NREP: variants seen among roughly 807,000 people sequenced by gnomAD.
The protein encoded by NREP is neuronal regeneration related protein.
In NREP, 5 loss-of-function variants were observed where a neutral mutation model predicts 8.6. That is an observed-to-expected ratio of 0.58 (90% CI 0.30 to 1.22). The LOEUF is 1.22. Among genes scored for constraint, NREP ranks in the 50% most tolerant of loss-of-function variants. The pLI, the probability that NREP is intolerant of heterozygous loss-of-function variation, is 0.07. For synonymous variants in NREP, 27 were observed against 28.0 expected, an observed-to-expected ratio of 0.96 and a Z score of 0.11; for missense variants, 86 against 82.5, an observed-to-expected ratio of 1.04 and a Z score of -0.17.
At chr5:111,790,536 G>A (rs925300075) in intron 2 of NREP, among the ~76,000 whole-genome samples, 4 of 151,942 alleles carry the variant, frequency 2.6e-5, no homozygotes, top group South Asian at 2.1e-4. Flanking sequence ...AAGGTGGAAG[G>A]TTCACTTGAG....
chr5:111,813,441 TTA>T (rs1378484595), intron 2 of NREP, among the ~76,000 whole-genome samples: 3 of 152,150 alleles, frequency 2.0e-5, no homozygotes, highest in African/African-American at 7.2e-5. Context: ...AGGTGATGAC[TTA>T]TATTCTAACC....
At chr5:111,894,431 T>G (rs1304380815) in intron 2 of NREP, among the ~76,000 whole-genome samples, 1 of 145,568 alleles carries the variant, frequency 6.9e-6, no homozygotes, top group Non-Finnish European at 1.5e-5. Context: ...AGGTTTCCTG[T>G]CAGCATAATC....
chr5:111,729,089 C>G (rs1179951788), downstream of NREP: 1 of 152,156 alleles, frequency 6.6e-6, no homozygotes, highest in African/African-American at 2.4e-5. Context: ...GGCAGCTCTG[C>G]AAATACCATC....
intron 2 of NREP, among the ~76,000 whole-genome samples, chr5:111,889,975 C>T (rs989880705): frequency 2.0e-5 from 3 of 152,050 alleles, no homozygotes; most frequent in Non-Finnish European, 2.9e-5. Context: ...TAGGGTGGGA[C>T]AGGAACAAAT....
chr5:111,917,275 G>C (rs927863931), intron 2 of NREP, among the ~76,000 whole-genome samples: 1 of 152,094 alleles, frequency 6.6e-6, no homozygotes, highest in Admixed American at 6.6e-5. Context: ...AATTCTACCA[G>C]AGGTACAAAG....
At chr5:111,741,404 T>C (rs1003736082) in intron 2 of NREP, among the ~76,000 whole-genome samples, 1 of 151,842 alleles carries the variant, frequency 6.6e-6, no homozygotes, top group African/African-American at 2.4e-5. Flanking sequence ...CCCTTTGAGG[T>C]GGTGCTATAA....
intron 2 of NREP, among the ~76,000 whole-genome samples, chr5:111,744,261 T>C (rs894729505): frequency 2.0e-5 from 3 of 152,168 alleles, no homozygotes; most frequent in African/African-American, 7.2e-5. Context: ...AATGCTTGTC[T>C]TGCACTGTCC....
intron 2 of NREP, among the ~76,000 whole-genome samples, chr5:111,869,166 A>G (rs910444596): frequency 6.6e-6 from 1 of 152,196 alleles, no homozygotes; most frequent in Non-Finnish European, 1.5e-5. Context: ...TATGTCTCAT[A>G]CAGATATAGA....
intron 2 of NREP, among the ~76,000 whole-genome samples, chr5:111,877,272 C>T (rs1007152259): frequency 6.6e-6 from 1 of 152,204 alleles, no homozygotes; most frequent in South Asian, 2.1e-4. Flanking sequence ...CGGCAATAAA[C>T]TCCATCCATG....
intron 2 of NREP, among the ~76,000 whole-genome samples, chr5:111,786,435 T>C (rs1383982096): frequency 2.6e-5 from 4 of 152,228 alleles, no homozygotes; most frequent in Non-Finnish European, 2.9e-5. Flanking sequence ...CCACAGTGCC[T>C]AGTTCTGTCT....
chr5:111,920,634 T>C (rs1426972254), intron 2 of NREP, among the ~76,000 whole-genome samples: 2 of 152,154 alleles, frequency 1.3e-5, no homozygotes, highest in African/African-American at 4.8e-5. Flanking sequence ...GTAAGGGTTT[T>C]TATAGACAAG....
chr5:111,913,535 G>T (rs539405809), intron 2 of NREP, among the ~76,000 whole-genome samples: 1 of 152,112 alleles, frequency 6.6e-6, no homozygotes, highest in African/African-American at 2.4e-5. Context: ...AGGGATGTGA[G>T]TTCATAGTTC....
At chr5:111,854,663 T>C (rs1753385970) in intron 2 of NREP, among the ~76,000 whole-genome samples, 2 of 152,224 alleles carry the variant, frequency 1.3e-5, no homozygotes, top group Non-Finnish European at 2.9e-5. Context: ...TTAATTCATG[T>C]ATATGTCTGT....
At chr5:111,881,804 G>C (rs906736340) in intron 2 of NREP, among the ~76,000 whole-genome samples, 2 of 152,022 alleles carry the variant, frequency 1.3e-5, no homozygotes, top group Non-Finnish European at 2.9e-5. Context: ...CAAACAGAAA[G>C]GACATCCACA....
chr5:111,778,858 T>A (rs998499494), intron 2 of NREP, among the ~76,000 whole-genome samples: 12 of 152,288 alleles, frequency 7.9e-5, no homozygotes, highest in Middle Eastern at 3.4e-3. Flanking sequence ...CAGCATACGA[T>A]GATTTTTTAA....
At chr5:111,734,463 C>A (rs1217552690) in intron 3 of NREP, 2 of 332,878 alleles carry the variant, frequency 6.0e-6, no homozygotes, top group Non-Finnish European at 1.1e-5. Flanking sequence ...TACTTTCCTG[C>A]CAGTGATTTC....
upstream of NREP, among the ~76,000 whole-genome samples, chr5:111,759,518 T>C (rs1750911476): frequency 6.6e-6 from 1 of 151,730 alleles, no homozygotes; most frequent in Non-Finnish European, 1.5e-5. Context: ...CCTCCCAAAG[T>C]GCTGGGATTA....
intron 2 of NREP, among the ~76,000 whole-genome samples, chr5:111,818,573 G>C (rs1752445477): frequency 1.3e-5 from 2 of 152,144 alleles, no homozygotes; most frequent in African/African-American, 4.8e-5. Context: ...ACAAACTAAT[G>C]TAAACAATTA....
At chr5:111,812,343 G>C (rs1752290123) in intron 2 of NREP, among the ~76,000 whole-genome samples, 1 of 152,064 alleles carries the variant, frequency 6.6e-6, no homozygotes, top group South Asian at 2.1e-4. Flanking sequence ...AAGAAAGTAA[G>C]ATACTGTGGC....
Sources: allele counts gnomAD v4.1 joint callset (sites outside exome capture counted in the v4.1 genomes callset), GRCh38; gene constraint gnomAD v4.1.1; transcripts MANE v1.5; gene names NCBI Gene and HGNC (gene_info 2026-07-23, HGNC 2026-07-21).